YEATS2: variants seen among roughly 807,000 people sequenced by gnomAD.
YEATS2 encodes the protein YEATS domain-containing protein 2.
In YEATS2, 77 loss-of-function variants were observed where a neutral mutation model predicts 163.2. That is an observed-to-expected ratio of 0.47 (90% confidence interval 0.39 to 0.57). YEATS2 has a LOEUF of 0.57. Ranked by LOEUF, YEATS2 falls within the 20% of genes least tolerant of loss-of-function variation. The pLI is 0.00. For missense variants in YEATS2, 1,549 were observed against 1,729.8 expected (o/e 0.90, Z 1.85); for synonymous variants, 631 against 645.1 (o/e 0.98, Z 0.33).
chr3:183,770,943 C>T (rs1377792302), intron 15 of YEATS2, among the ~76,000 whole-genome samples: 1 of 152,206 alleles, frequency 6.6e-6, no homozygotes, highest in Non-Finnish European at 1.5e-5. Context: ...ATGCTGCAGA[C>T]ATTAAGGTTG....
chr3:183,789,702 ATT>A (rs397878062), intron 20 of YEATS2, among the ~76,000 whole-genome samples: 2 of 142,378 alleles, frequency 1.4e-5, no homozygotes, highest in African/African-American at 2.6e-5. Context: ...CGCCCAGCTA[ATT>A]TTTTTTTTTT....
intron 7 of YEATS2, among the ~76,000 whole-genome samples, chr3:183,731,182 C>G (rs138448022): frequency 0.028 from 4,211 of 151,766 alleles, 90 homozygotes; most frequent in Middle Eastern, 0.068. Flanking sequence ...GCCTGTAATC[C>G]TAGCTACTCA....
intron 7 of YEATS2, among the ~76,000 whole-genome samples, chr3:183,730,169 G>C (rs1269961047): frequency 7.8e-6 from 1 of 127,758 alleles, no homozygotes; most frequent in Non-Finnish European, 1.6e-5. Context: ...GGTTCAAGCA[G>C]TTCTCATGCT....
intron 3 of YEATS2, 82 bp downstream of exon 3, chr3:183,717,830 G>A (rs1006412081): frequency 2.5e-6 from 2 of 786,212 alleles, no homozygotes; most frequent in African/African-American, 3.6e-5. Context: ...TATTGAGATG[G>A]AGTCACAGTT....
chr3:183,786,640 T>TA (rs1293157514), intron 20 of YEATS2, among the ~76,000 whole-genome samples: 1 of 152,222 alleles, frequency 6.6e-6, no homozygotes, highest in Non-Finnish European at 1.5e-5. Flanking sequence ...TTGCCTATTT[T>TA]AGACATTTCA....
intron 23 of YEATS2, among the ~76,000 whole-genome samples, chr3:183,799,334 G>A (rs1725445779): frequency 6.6e-6 from 1 of 152,226 alleles, no homozygotes; most frequent in Admixed American, 6.5e-5. Context: ...TGGGATGTCT[G>A]ATCAGGGTTG....
chr3:183,733,191 G>C (rs190837200), intron 7 of YEATS2, among the ~76,000 whole-genome samples: 44 of 152,360 alleles, frequency 2.9e-4, no homozygotes, highest in Non-Finnish European at 5.6e-4. Flanking sequence ...TCCATTTGGA[G>C]GTGGCTGGTT....
At chr3:183,777,443 C>A in intron 18 of YEATS2, 99 bp from the exon 19 acceptor site, 2 of 1,307,694 alleles carry the variant, frequency 1.5e-6, no homozygotes, top group Non-Finnish European at 2.1e-6. Context: ...AGCGTTGTAG[C>A]TTGTAACATG....
At chr3:183,806,263 G>C (rs1726185879) in intron 27 of YEATS2, 1 of 455,762 alleles carries the variant, frequency 2.2e-6, no homozygotes, top group Non-Finnish European at 4.4e-6. Flanking sequence ...GAGCTTGTTA[G>C]AGCCCAGTCA....
At chr3:183,751,548 G>C (rs1050711519) in intron 9 of YEATS2, among the ~76,000 whole-genome samples, 4 of 152,188 alleles carry the variant, frequency 2.6e-5, no homozygotes, top group African/African-American at 7.2e-5. Context: ...AATGAACACG[G>C]TAGCTTCTTC....
chr3:183,756,950 A>G (rs1416910019), intron 12 of YEATS2, among the ~76,000 whole-genome samples: 1 of 152,198 alleles, frequency 6.6e-6, no homozygotes, highest in Non-Finnish European at 1.5e-5. Context: ...TTAAAAGAAT[A>G]GTTGATTTTG....
At chr3:183,785,072 C>CA (rs879758778) in intron 19 of YEATS2, among the ~76,000 whole-genome samples, 72 of 146,934 alleles carry the variant, frequency 4.9e-4, no homozygotes, top group Non-Finnish European at 8.0e-4. Flanking sequence ...AACTCTGTCT[C>CA]AAAAAAAAAA....
In YEATS2 at chr3:183,711,313, C is replaced by CA. The variant is rs1428127215; in HGVS notation, c.-19-3821dup. On this transcript the variant is annotated intron_variant, in intron 1 of 30. Transcript: ENST00000305135. ...GTAAAACCCCGTCTCCACAAAAATA[C>CA]AAAAAAAAAATCAGCCGGGCGTGGT... is the stretch of plus-strand genomic sequence containing the variant. Among the ~76,000 whole-genome samples the CA allele has an allele frequency of 6.7e-3, 993 of 147,700 alleles. 35 individuals are homozygous for CA. Among genetic ancestry groups the CA allele is most frequent in the Admixed American group, 0.055 (816 of 14,844 alleles).
intron 21 of YEATS2, among the ~76,000 whole-genome samples, chr3:183,794,558 T>C (rs1292354972): frequency 6.6e-6 from 1 of 152,194 alleles, no homozygotes; most frequent in Non-Finnish European, 1.5e-5. Flanking sequence ...TCCTAAAATA[T>C]GGGATGGGGT....
chr3:183,705,276 C>T (rs1354863511), intron 1 of YEATS2, among the ~76,000 whole-genome samples: 1 of 152,122 alleles, frequency 6.6e-6, no homozygotes, highest in African/African-American at 2.4e-5. Flanking sequence ...TCTTGAACTC[C>T]TGAGCTCAAG....
rs573345223 is a variant in YEATS2 at position 183,719,285 on chromosome 3, G to A, written c.291+693G>A. ...CAAGTAGCTGGGATTACAGGCATGC[G>A]CCACCATGCCTGGCTAATTTTTTTG... On this transcript the variant is annotated intron_variant, in intron 4 of 30. Coordinates refer to ENST00000305135, the MANE Select transcript of YEATS2 (RefSeq NM_018023.5). Among the ~76,000 whole-genome samples, 17 of 151,750 alleles carry A rather than the reference G, an allele frequency of 1.1e-4. No individual in the cohort carries two copies. The South Asian group carries it at 3.3e-3, about 30-fold the overall frequency.
intron 15 of YEATS2, among the ~76,000 whole-genome samples, chr3:183,768,351 T>G (rs934519603): frequency 6.6e-6 from 1 of 152,192 alleles, no homozygotes; most frequent in Non-Finnish European, 1.5e-5. Context: ...ACACATCCCG[T>G]TAGCCAGAAA....
chr3:183,717,819 C>A, intron 3 of YEATS2, 71 bp downstream of exon 3: 3 of 844,684 alleles, frequency 3.6e-6, no homozygotes, highest in South Asian at 3.0e-5. Flanking sequence ...GAAAAATAAT[C>A]TATTGAGATG....
At chr3:183,764,391 A>T (rs1721688278) in intron 15 of YEATS2, among the ~76,000 whole-genome samples, 1 of 151,316 alleles carries the variant, frequency 6.6e-6, no homozygotes, top group Admixed American at 6.6e-5. Context: ...AAAAAAAAAA[A>T]AGATATCATA....
Sources: allele counts gnomAD v4.1 joint callset (sites outside exome capture counted in the v4.1 genomes callset), GRCh38; gene constraint gnomAD v4.1.1; transcripts MANE v1.5; gene names NCBI Gene and HGNC (gene_info 2026-07-23, HGNC 2026-07-21).